Variants in PRKN observed in about 807,000 individuals in gnomAD.
PRKN encodes the protein parkin RBR E3 ubiquitin protein ligase, also known as E3 ubiquitin-protein ligase parkin.
Under a neutral mutation model 59.5 loss-of-function variants are expected in PRKN, and 56 were observed. The observed-to-expected ratio is 0.94, with a 90% CI of 0.76 to 1.18. PRKN has a LOEUF of 1.18. PRKN is among the 50% of genes most tolerant of loss of function. The pLI is 0.00. For synonymous variants in PRKN, 250 were observed against 222.1 expected (o/e 1.13, Z -1.12); for missense variants, 657 against 596.4 (o/e 1.10, Z -1.06).
chr6:161,689,529 G>A (rs140594067), intron 7 of PRKN, among the ~76,000 whole-genome samples: 14 of 152,118 alleles, frequency 9.2e-5, no homozygotes, highest in African/African-American at 2.2e-4. Flanking sequence ...CCAAGAAATC[G>A]CTGGGTCATT....
At chr6:162,472,814 A>ATATATATATATATATC (rs1791825487) in intron 1 of PRKN, among the ~76,000 whole-genome samples, 1 of 143,706 alleles carries the variant, frequency 7.0e-6, no homozygotes, top group Non-Finnish European at 1.5e-5. Flanking sequence ...TTATATATAT[A>ATATATATATATATATC]TATCTTAGTA....
At chr6:162,470,930 T>A (rs1353477895) in intron 1 of PRKN, among the ~76,000 whole-genome samples, 2 of 151,708 alleles carry the variant, frequency 1.3e-5, no homozygotes, top group African/African-American at 4.8e-5. Context: ...TTTCTGTATT[T>A]TTAGTAGAGA....
chr6:162,116,244 A>C (rs1261716088), intron 4 of PRKN, among the ~76,000 whole-genome samples: 2 of 152,236 alleles, frequency 1.3e-5, no homozygotes, highest in Non-Finnish European at 2.9e-5. Flanking sequence ...TGCAGGCCAC[A>C]TAAGGATCTT....
chr6:161,655,722 C>T (rs1240935316), intron 7 of PRKN, among the ~76,000 whole-genome samples: 7 of 152,190 alleles, frequency 4.6e-5, no homozygotes, highest in Admixed American at 4.6e-4. Context: ...ACTGATTTTA[C>T]TAGGTTGGAC....
intron 5 of PRKN, among the ~76,000 whole-genome samples, chr6:162,017,772 T>C (rs1782982933): frequency 6.6e-6 from 1 of 152,214 alleles, no homozygotes. Context: ...AGGGACTATA[T>C]ATAGGCTTCA....
intron 4 of PRKN, among the ~76,000 whole-genome samples, chr6:162,159,520 GATC>G (rs778400096): frequency 6.6e-6 from 1 of 152,092 alleles, no homozygotes; most frequent in Non-Finnish European, 1.5e-5. Flanking sequence ...ATATTGTTCA[GATC>G]TCCCCAAACA....
In PRKN at chr6:161,922,587, GATATA is replaced by G. The variant is rs941614680; in HGVS notation, c.734+50710_734+50714del. ...CAGAATTTCATAAATTATTTGTGGG[GATATA>G]ATATAAGTACATGAGGTAATTCCTA... On this transcript the variant is annotated intron_variant, in intron 6 of 11. Coordinates refer to ENST00000366898, the MANE Select transcript of PRKN (RefSeq NM_004562.3). 4.6e-5 allele frequency among the ~76,000 whole-genome samples: 7 copies of G among 152,244 alleles called. No homozygotes were observed. The East Asian group carries it at 9.7e-4, about 21-fold the overall frequency.
chr6:161,706,436 A>T (rs1046366136), intron 7 of PRKN, among the ~76,000 whole-genome samples: 7 of 152,186 alleles, frequency 4.6e-5, no homozygotes, highest in African/African-American at 1.7e-4. Flanking sequence ...TCTCGGACAC[A>T]CTGTCAAGCT....
At chr6:161,954,469 G>A (rs1780100307) in intron 6 of PRKN, among the ~76,000 whole-genome samples, 1 of 152,008 alleles carries the variant, frequency 6.6e-6, no homozygotes, top group South Asian at 2.1e-4. Context: ...TGCTTTCTGT[G>A]GGAATAATTC....
At chr6:162,216,423 C>G (rs191395578) in intron 3 of PRKN, among the ~76,000 whole-genome samples, 32,129 of 148,400 alleles carry the variant, frequency 0.22, 4,740 homozygotes, top group East Asian at 0.53. Flanking sequence ...CCAGCTACTC[C>G]GGAGGCTGAG....
intron 2 of PRKN, among the ~76,000 whole-genome samples, chr6:162,313,445 C>A (rs950354352): frequency 1.3e-5 from 2 of 151,940 alleles, no homozygotes; most frequent in Admixed American, 1.3e-4. Flanking sequence ...TTTCAAGGGC[C>A]GAATAATATT....
At chr6:162,572,363 T>C (rs1780371528) in intron 1 of PRKN, among the ~76,000 whole-genome samples, 1 of 152,174 alleles carries the variant, frequency 6.6e-6, no homozygotes, top group Admixed American at 6.5e-5. Flanking sequence ...ACAGAAAACA[T>C]ATCCAAGACT....
intron 7 of PRKN, among the ~76,000 whole-genome samples, chr6:161,731,213 T>G (rs190497102): frequency 2.0e-4 from 31 of 152,388 alleles, no homozygotes; most frequent in Admixed American, 1.9e-3. Flanking sequence ...TGGAGCTGTA[T>G]GCAGGGTTAC....
At chr6:162,413,471 G>GT (rs1788452196) in intron 2 of PRKN, among the ~76,000 whole-genome samples, 1 of 152,190 alleles carries the variant, frequency 6.6e-6, no homozygotes, top group African/African-American at 2.4e-5. Context: ...GCCTCAGATA[G>GT]TAACTAATTA....
chr6:161,752,266 A>G (rs1265165953), intron 7 of PRKN, among the ~76,000 whole-genome samples: 2 of 152,154 alleles, frequency 1.3e-5, no homozygotes, highest in African/African-American at 4.8e-5. Flanking sequence ...GCTACTCGAG[A>G]GGCTGAGGCA....
chr6:161,533,600 C>T lies in PRKN; in HGVS notation c.1083+15254G>A, dbSNP rs774768049. The stretch of plus-strand genomic sequence containing the variant: ...TGGGGCGACCAGCCTTCTTCGCGTG[C>T]TAAGTAAACGTCACACCTGGTCAAA... On this transcript the variant is annotated intron_variant, in intron 9 of 11. Coordinates refer to ENST00000366898, the MANE Select transcript of PRKN (RefSeq NM_004562.3). This position sits in a 1 kb window ranked among gnomAD's most constrained non-coding sequence, Gnocchi z 4.1. Among the ~76,000 whole-genome samples, 16 of 152,164 alleles carry T rather than the reference C, an allele frequency of 1.1e-4. No individual in the cohort carries two copies. The highest frequency in any genetic ancestry group is 2.2e-4 in the Non-Finnish European group (15 of 68,026).
chr6:161,551,896 G>C lies in PRKN; in HGVS notation c.934-2893C>G, dbSNP rs9346867. Among the ~76,000 whole-genome samples, 40,461 of 152,020 alleles carry C rather than the reference G, an allele frequency of 0.27. 5,927 individuals are homozygous for C. The highest frequency in any genetic ancestry group is 0.63 in the East Asian group (3,200 of 5,114). ...TGTCCTTGAGTAGGTTGGAGGGGAG[G>C]ATCTAAAGGATGTGTGGAGGGTTGG... On this transcript the variant is annotated intron_variant, in intron 8 of 11. Transcript: ENST00000366898. This position sits in a 1 kb window ranked among gnomAD's most constrained non-coding sequence, Gnocchi z 5.2.
intron 4 of PRKN, among the ~76,000 whole-genome samples, chr6:162,106,389 G>C (rs1314370852): frequency 7.2e-6 from 1 of 138,102 alleles, no homozygotes; most frequent in Non-Finnish European, 1.5e-5. Context: ...GGACATGAGA[G>C]AGTGAATTCC....
chr6:161,666,259 G>A (rs540042687), intron 7 of PRKN, among the ~76,000 whole-genome samples: 25 of 152,316 alleles, frequency 1.6e-4, no homozygotes, highest in South Asian at 8.3e-4. Context: ...GTGGGTGAGC[G>A]AGAATTATCA....
Sources: allele counts gnomAD v4.1 joint callset (sites outside exome capture counted in the v4.1 genomes callset), GRCh38; gene constraint gnomAD v4.1.1; non-coding constraint Gnocchi (gnomAD v3.1); transcripts MANE v1.5; gene names NCBI Gene and HGNC (gene_info 2026-07-23, HGNC 2026-07-21).